Variants in MTHFD1L observed in about 807,000 individuals in gnomAD.
MTHFD1L encodes monofunctional C1-tetrahydrofolate synthase, mitochondrial.
Under a neutral mutation model 119.5 loss-of-function variants are expected in MTHFD1L, and 81 were observed. That is an observed-to-expected ratio of 0.68 (90% CI 0.57 to 0.82). The LOEUF (loss-of-function observed/expected upper bound fraction) is 0.82. Ranked by LOEUF, MTHFD1L falls within the 40% of genes least tolerant of loss-of-function variation. MTHFD1L has a pLI of 0.00. For missense variants in MTHFD1L, 1,125 were observed against 1,253.4 expected, an observed-to-expected ratio of 0.90 and a Z score of 1.55; for synonymous variants, 430 against 475.2, an observed-to-expected ratio of 0.90 and a Z score of 1.24.
intron 26 of MTHFD1L, among the ~76,000 whole-genome samples, chr6:151,068,495 A>T (rs1263732948): frequency 1.3e-5 from 2 of 152,128 alleles, no homozygotes; most frequent in African/African-American, 4.8e-5. Flanking sequence ...TTCTGCTTGA[A>T]CCGAGGGTTC....
chr6:150,921,293 A>G (rs558694116), intron 9 of MTHFD1L, among the ~76,000 whole-genome samples: 20 of 151,582 alleles, frequency 1.3e-4, no homozygotes, highest in East Asian at 7.9e-4. Context: ...CTAATTTTGT[A>G]TTTTTAGTAG....
At chr6:150,878,615 T>G (rs1319680268) in intron 4 of MTHFD1L, among the ~76,000 whole-genome samples, 1 of 152,204 alleles carries the variant, frequency 6.6e-6, no homozygotes, top group Non-Finnish European at 1.5e-5. Context: ...GTTGGTGATA[T>G]CACCAAGTCG....
At chr6:150,868,855 G>C (rs983161188) in intron 1 of MTHFD1L, among the ~76,000 whole-genome samples, 1 of 152,140 alleles carries the variant, frequency 6.6e-6, no homozygotes, top group African/African-American at 2.4e-5. Flanking sequence ...ATTCCCAGGA[G>C]TTCAAGACCA....
chr6:150,994,095 A>AAGAAGAAAGAAAGAAAGAAAGAAAGAAAG (rs1554273941), intron 20 of MTHFD1L, among the ~76,000 whole-genome samples: 6 of 143,798 alleles, frequency 4.2e-5, no homozygotes, highest in Non-Finnish European at 7.5e-5. Flanking sequence ...GAAAGAAAGA[A>AAGAAGAAAGAAAGAAAGAAAGAAAGAAAG]AGTGACCCAG....
rs559013743 is a variant in MTHFD1L, at chr6:150,875,989, A to T, written c.228-101A>T. The T allele has an allele frequency of 1.3e-5, 12 of 931,128 alleles. No individual in the cohort carries two copies. The South Asian group carries it at 1.6e-4, about 12-fold the overall frequency. 57.7% of individuals were successfully genotyped at this position (931,128 alleles called of 1,614,324 possible). A position where few individuals can be genotyped will look rare whatever the true frequency, so the allele number is the denominator to read the frequency against. On this transcript the variant is annotated intron_variant, in intron 1 of 27. Transcript: ENST00000367321. ...GAGTGCGTCCTTCTGTGGTCTAGTTATTTTCACTTGGAGGAAGGAACTTTC... is the reference window on the plus strand; with the variant it reads ...GAGTGCGTCCTTCTGTGGTCTAGTTTTTTTCACTTGGAGGAAGGAACTTTC...
At chr6:151,083,525 G>A (rs922081399) in intron 26 of MTHFD1L, among the ~76,000 whole-genome samples, 2 of 152,106 alleles carry the variant, frequency 1.3e-5, no homozygotes, top group Non-Finnish European at 2.9e-5. Context: ...TGTAGTCATG[G>A]CCTTTCTTTT....
At chr6:151,072,744 G>A (rs117365860) in intron 26 of MTHFD1L, among the ~76,000 whole-genome samples, 7,783 of 152,180 alleles carry the variant, frequency 0.051, 233 homozygotes, top group Middle Eastern at 0.082. Context: ...AACAGAGGTT[G>A]CAGTGAGCGG....
chr6:150,897,801 C>G (rs986687287), intron 7 of MTHFD1L, among the ~76,000 whole-genome samples: 1 of 152,160 alleles, frequency 6.6e-6, no homozygotes, highest in African/African-American at 2.4e-5. Flanking sequence ...TTTTCCACCC[C>G]CTCTCCAATG....
intron 26 of MTHFD1L, among the ~76,000 whole-genome samples, chr6:151,069,276 T>TCTCTCTCTCTCC (rs1389872263): frequency 6.6e-6 from 1 of 151,314 alleles, no homozygotes; most frequent in Non-Finnish European, 1.5e-5. Flanking sequence ...TCTCTCTCTC[T>TCTCTCTCTCTCC]CTCTCCCTCC....
At chr6:151,052,887 GA>G (rs1234326696) in intron 26 of MTHFD1L, among the ~76,000 whole-genome samples, 1 of 152,166 alleles carries the variant, frequency 6.6e-6, no homozygotes, top group East Asian at 1.9e-4. Context: ...AGGTAACCAA[GA>G]AGGCCTTAAG....
intron 19 of MTHFD1L, 87 bp downstream of exon 19, chr6:150,965,124 T>A: frequency 8.6e-7 from 1 of 1,165,778 alleles, no homozygotes. Flanking sequence ...GAGGCAGGCA[T>A]AGAGCATGCC....
At chr6:151,008,659 AG>A (rs1320259559) in intron 20 of MTHFD1L, among the ~76,000 whole-genome samples, 1 of 152,106 alleles carries the variant, frequency 6.6e-6, no homozygotes, top group Non-Finnish European at 1.5e-5. Context: ...CTAGCAACTG[AG>A]GGGGTGGGGA....
chr6:151,012,105 G>A (rs1007297761), intron 21 of MTHFD1L, among the ~76,000 whole-genome samples: 1 of 147,910 alleles, frequency 6.8e-6, no homozygotes, highest in Non-Finnish European at 1.5e-5. Flanking sequence ...CTGGGCTCCA[G>A]TAGTACCTTC....
At chr6:151,093,586 GC>G (rs1794642413) in intron 27 of MTHFD1L, among the ~76,000 whole-genome samples, 1 of 152,164 alleles carries the variant, frequency 6.6e-6, no homozygotes, top group African/African-American at 2.4e-5. Context: ...AACCCGGGAG[GC>G]GGAGGTTGCA....
intron 24 of MTHFD1L, among the ~76,000 whole-genome samples, chr6:151,033,379 C>G (rs1430125407): frequency 6.6e-6 from 1 of 152,160 alleles, no homozygotes; most frequent in African/African-American, 2.4e-5. Context: ...CTCAGCCTCC[C>G]AAAGTGCTGG....
At chr6:150,940,209 C>T (rs948188747) in intron 13 of MTHFD1L, among the ~76,000 whole-genome samples, 4 of 152,122 alleles carry the variant, frequency 2.6e-5, no homozygotes, top group African/African-American at 7.2e-5. Flanking sequence ...GAGTGCCCAG[C>T]ACATAGTAGG....
rs139267961 is a variant in MTHFD1L at position 151,009,950 on chromosome 6, G to A, written c.2257G>A (p.Gly753Arg). 82 of 1,604,014 alleles carry A rather than the reference G, an allele frequency of 5.1e-5. 1 individual carries two copies. The Middle Eastern group carries it at 8.5e-4, about 17-fold the overall frequency. Residue 753 changes from glycine (G) to arginine (R), a missense_variant, in exon 21 of 28, where the codon GGG (glycine) becomes AGG (arginine). Physicochemically the swap from Gly to Arg is moderately radical, Grantham distance 125. This residue lies in a region of MTHFD1L where 1,058 missense variants were observed against 1,151.2 expected (regional missense o/e 0.92). Transcript: ENST00000367321. The part of the protein sequence containing the change: ...TVRALKMHGG[G>R]PSVTAGVPLK... Reference sequence around the variant, plus strand: ...GCGAGCTCTGAAGATGCATGGAGGCGGGCCAAGTGTAAGTGCCCACACCGC... The same window carrying A: ...GCGAGCTCTGAAGATGCATGGAGGCAGGCCAAGTGTAAGTGCCCACACCGC...
chr6:151,093,113 A>T (rs955624955), intron 27 of MTHFD1L, among the ~76,000 whole-genome samples: 1 of 152,174 alleles, frequency 6.6e-6, no homozygotes, highest in Non-Finnish European at 1.5e-5. Flanking sequence ...TAGAAGTCCA[A>T]AGTCAAGGTG....
At chr6:150,960,491 T>C in intron 18 of MTHFD1L, 76 bp downstream of exon 18, 1 of 1,504,918 alleles carries the variant, frequency 6.6e-7, no homozygotes, top group Non-Finnish European at 8.9e-7. Context: ...AAAGGTTTTC[T>C]TCCTTTTATC....
Sources: allele counts gnomAD v4.1 joint callset (sites outside exome capture counted in the v4.1 genomes callset), GRCh38; gene constraint gnomAD v4.1.1; regional missense constraint gnomAD v4.1.1; transcripts MANE v1.5; gene names NCBI Gene and HGNC (gene_info 2026-07-23, HGNC 2026-07-21).